Variants in CTNNA3 observed in about 807,000 individuals in gnomAD.
CTNNA3 encodes the protein catenin alpha-3.
A neutral mutation model predicts 95.7 loss-of-function variants in CTNNA3; 76 were observed. That is an observed-to-expected ratio of 0.79 (90% confidence interval 0.66 to 0.96). The LOEUF (loss-of-function observed/expected upper bound fraction) is 0.96. CTNNA3 is among the 40% of genes least tolerant of loss of function. The probability of loss-of-function intolerance (pLI) is 0.00; values close to 1 mark genes in which losing one functional copy is unlikely to be tolerated. For synonymous variants in CTNNA3, 431 were observed against 374.4 expected, an observed-to-expected ratio of 1.15 and a Z score of -1.74; for missense variants, 1,191 against 1,089.8, an observed-to-expected ratio of 1.09 and a Z score of -1.31.
intron 7 of CTNNA3, among the ~76,000 whole-genome samples, chr10:67,155,249 A>G (rs1003730922): frequency 6.6e-6 from 1 of 152,208 alleles, no homozygotes; most frequent in African/African-American, 2.4e-5. Flanking sequence ...ACTGGATACT[A>G]AGGAAGAGAG....
At chr10:66,179,534 T>C (rs1390436737) in intron 13 of CTNNA3, among the ~76,000 whole-genome samples, 1 of 152,098 alleles carries the variant, frequency 6.6e-6, no homozygotes, top group Non-Finnish European at 1.5e-5. Context: ...TCTCTCCATA[T>C]TATTTCTTAT....
intron 3 of CTNNA3, among the ~76,000 whole-genome samples, chr10:67,544,826 G>A (rs1190004733): frequency 6.6e-6 from 1 of 152,146 alleles, no homozygotes; most frequent in Non-Finnish European, 1.5e-5. Context: ...CATTGCCCTA[G>A]TGCCTTCTAA....
intron 13 of CTNNA3, among the ~76,000 whole-genome samples, chr10:66,136,793 C>T (rs1044131721): frequency 2.6e-5 from 4 of 151,944 alleles, no homozygotes; most frequent in Admixed American, 1.3e-4. Context: ...GTATCTATTA[C>T]ATTTGCTTAA....
chr10:67,351,843 G>T (rs932692018), intron 5 of CTNNA3, among the ~76,000 whole-genome samples: 2 of 151,914 alleles, frequency 1.3e-5, no homozygotes, highest in Admixed American at 1.3e-4. Flanking sequence ...GAAGATAACT[G>T]CTGGGATTTT....
chr10:66,669,415 T>C (rs1846578107), intron 9 of CTNNA3, among the ~76,000 whole-genome samples: 1 of 151,962 alleles, frequency 6.6e-6, no homozygotes, highest in Non-Finnish European at 1.5e-5. Context: ...TGGTGGCATG[T>C]GCCTGTAGTC....
intron 7 of CTNNA3, among the ~76,000 whole-genome samples, chr10:66,860,855 T>C (rs4409724): frequency 0.87 from 132,731 of 152,216 alleles, 58,308 homozygotes; most frequent in African/African-American, 0.96. Context: ...TGTAACCACA[T>C]TGTAAACCCT....
intron 5 of CTNNA3, among the ~76,000 whole-genome samples, chr10:67,348,960 G>T (rs541882098): frequency 6.6e-6 from 1 of 152,000 alleles, no homozygotes; most frequent in African/African-American, 2.4e-5. Flanking sequence ...GAAAATATAC[G>T]CAACATCATT....
At chr10:66,419,998 C>A (rs1157476778) in intron 11 of CTNNA3, among the ~76,000 whole-genome samples, 1 of 152,046 alleles carries the variant, frequency 6.6e-6, no homozygotes, top group African/African-American at 2.4e-5. Context: ...ATGGCTAAGA[C>A]CTCAAAAGCA....
chr10:66,072,678 C>T (rs1471716076), intron 14 of CTNNA3, among the ~76,000 whole-genome samples: 6 of 152,008 alleles, frequency 3.9e-5, no homozygotes, highest in Non-Finnish European at 7.4e-5. Flanking sequence ...CTCCTGACCT[C>T]GTGATCCACT....
rs141234583 is a variant in CTNNA3 at position 66,447,681 on chromosome 10, G to A, written c.1532-68329C>T. Among the ~76,000 whole-genome samples, 2,772 of 152,094 alleles carry A rather than the reference G, an allele frequency of 0.018. 199 individuals are homozygous for A. In the East Asian group the frequency reaches 0.24, roughly 13 times the overall value. The stretch of plus-strand genomic sequence containing the variant: ...CCTTATACAAAAATTAATTCAAGAT[G>A]GATTAAAGACTTAACATGTTAGACC... On this transcript the variant is annotated intron_variant, in intron 11 of 17. Transcript: ENST00000433211.
At chr10:67,528,248 A>C (rs1840210197) in intron 4 of CTNNA3, among the ~76,000 whole-genome samples, 1 of 152,154 alleles carries the variant, frequency 6.6e-6, no homozygotes, top group Non-Finnish European at 1.5e-5. Flanking sequence ...TATGATGAGA[A>C]ATAAAGTTTA....
intron 1 of CTNNA3, among the ~76,000 whole-genome samples, chr10:67,703,516 G>C (rs917164621): frequency 6.6e-6 from 1 of 152,106 alleles, no homozygotes; most frequent in Admixed American, 6.5e-5. Context: ...CAGAACCAAA[G>C]ACAAAAACCA....
chr10:66,228,324 T>C (rs897726514), intron 13 of CTNNA3, among the ~76,000 whole-genome samples: 1 of 152,068 alleles, frequency 6.6e-6, no homozygotes, highest in African/African-American at 2.4e-5. Context: ...ATATTACTAC[T>C]GCTTTTGCTG....
intron 16 of CTNNA3, among the ~76,000 whole-genome samples, chr10:65,987,810 G>C (rs940672617): frequency 2.0e-5 from 3 of 151,996 alleles, no homozygotes; most frequent in African/African-American, 7.2e-5. Context: ...ATGAATGGAT[G>C]GATAAACAAA....
chr10:67,538,292 G>A (rs1840551916), intron 4 of CTNNA3, among the ~76,000 whole-genome samples: 1 of 151,572 alleles, frequency 6.6e-6, no homozygotes, highest in Non-Finnish European at 1.5e-5. Flanking sequence ...CAAGAAAGAT[G>A]TGGCTGGGAG....
intron 7 of CTNNA3, among the ~76,000 whole-genome samples, chr10:66,873,990 G>A (rs1844513657): frequency 6.6e-6 from 1 of 152,136 alleles, no homozygotes; most frequent in African/African-American, 2.4e-5. Flanking sequence ...AGCAGGGTAG[G>A]AAAGGTACCA....
At chr10:67,692,570 C>T (rs1840887226) in intron 1 of CTNNA3, among the ~76,000 whole-genome samples, 1 of 137,466 alleles carries the variant, frequency 7.3e-6, no homozygotes, top group Non-Finnish European at 1.6e-5. Context: ...TCACCACTCC[C>T]TAATCTCAAG....
chr10:67,346,129 AT>A (rs1454742922), intron 5 of CTNNA3, among the ~76,000 whole-genome samples: 1 of 152,174 alleles, frequency 6.6e-6, no homozygotes, highest in Non-Finnish European at 1.5e-5. Context: ...TAAAAACTCT[AT>A]ACTTTGTTCC....
intron 7 of CTNNA3, among the ~76,000 whole-genome samples, chr10:66,958,671 A>G (rs1407759987): frequency 6.6e-6 from 1 of 152,140 alleles, no homozygotes; most frequent in Non-Finnish European, 1.5e-5. Context: ...CCCAGAGCCA[A>G]TAACACATGT....
Sources: allele counts gnomAD v4.1 joint callset (sites outside exome capture counted in the v4.1 genomes callset), GRCh38; gene constraint gnomAD v4.1.1; transcripts MANE v1.5; gene names NCBI Gene and HGNC (gene_info 2026-07-23, HGNC 2026-07-21).